Variants in ARID1B observed in about 807,000 individuals in gnomAD.
ARID1B encodes the protein AT-rich interactive domain-containing protein 1B.
In ARID1B, 30 loss-of-function variants were observed where a neutral mutation model predicts 212.3. The observed-to-expected ratio is 0.14, with a 90% CI of 0.11 to 0.19. The LOEUF is 0.19. Among genes scored for constraint, ARID1B ranks in the 10% least tolerant of loss-of-function variants. The pLI is 1.00. For synonymous variants in ARID1B, 1,402 were observed against 1,301.7 expected (o/e 1.08, Z -1.66); for missense variants, 2,891 against 3,204.0 (o/e 0.90, Z 2.36).
chr6:157,002,008 C>G (rs1778942937), intron 4 of ARID1B, among the ~76,000 whole-genome samples: 1 of 152,236 alleles, frequency 6.6e-6, no homozygotes, highest in African/African-American at 2.4e-5. Context: ...ACAGCTCCTG[C>G]TCTGCCTGTG....
chr6:156,992,692 C>T (rs901656766), intron 4 of ARID1B, among the ~76,000 whole-genome samples: 4 of 152,120 alleles, frequency 2.6e-5, no homozygotes, highest in Admixed American at 2.0e-4. Context: ...CCAGAGCAGC[C>T]GTGGCCTGTT....
rs1247468984 is a variant in ARID1B, at chr6:157,148,557, G to GT, written c.2762-66dup. The GT allele has an allele frequency of 6.6e-7, 1 of 1,514,402 alleles. No individual in the cohort carries two copies. Among genetic ancestry groups the GT allele is most frequent in the Non-Finnish European group, 9.0e-7 (1 of 1,116,886 alleles). 93.8% of individuals were successfully genotyped at this position (1,514,402 alleles called of 1,614,324 possible). A position where few individuals can be genotyped will look rare whatever the true frequency, so the allele number is the denominator to read the frequency against. On this transcript the variant is annotated intron_variant, in intron 7 of 19. Coordinates refer to ENST00000636930, the MANE Select transcript of ARID1B (RefSeq NM_001374828.1). This position sits in a 1 kb window ranked among gnomAD's most constrained non-coding sequence, Gnocchi z 5.6. ...TGCTGATCGCATTGTTGGACAAAAAGTATTTCCAGTGAATGTTGTCACAAG... is the reference window on the plus strand; with the variant it reads ...TGCTGATCGCATTGTTGGACAAAAAGTTATTTCCAGTGAATGTTGTCACAAG...
chr6:156,836,862 G>T (rs537619003), intron 2 of ARID1B, among the ~76,000 whole-genome samples: 71 of 152,146 alleles, frequency 4.7e-4, no homozygotes, highest in African/African-American at 1.7e-3. Context: ...ACAGGGTTTT[G>T]CCATGTAGCC....
chr6:156,943,012 A>G (rs1436072102), intron 4 of ARID1B: 8 of 152,212 alleles, frequency 5.3e-5, no homozygotes, highest in Non-Finnish European at 1.5e-5. Flanking sequence ...GACTGGAAGT[A>G]ACAATTTTTA....
At chr6:156,859,722 T>G (rs1469279170) in intron 2 of ARID1B, among the ~76,000 whole-genome samples, 1 of 152,248 alleles carries the variant, frequency 6.6e-6, no homozygotes, top group African/African-American at 2.4e-5. Context: ...ACATGGTTTT[T>G]TGCATGTGCA....
rs566462160 is a variant in ARID1B at position 157,179,075 on chromosome 6, C to T, written c.3505-1894C>T. The stretch of plus-strand genomic sequence containing the variant: ...AAAATGCAAGAGGGAAGTTGTTTTA[C>T]TGTTAACTGATTATAGATTATAATG... On this transcript the variant is annotated intron_variant, in intron 11 of 19. Coordinates refer to ENST00000636930, the MANE Select transcript of ARID1B (RefSeq NM_001374828.1). Among the ~76,000 whole-genome samples the T allele has an allele frequency of 2.6e-5, 4 of 152,312 alleles. No homozygotes were observed. In the Middle Eastern group the frequency reaches 0.01, roughly 389 times the overall value.
rs1583124235 is a variant in ARID1B, at chr6:156,832,219, G to GAATTTTTA, written c.1986+2798_1986+2799insAATTTTTA. 5.3e-5 allele frequency among the ~76,000 whole-genome samples: 8 copies of GAATTTTTA among 152,274 alleles called. No individual in the cohort carries two copies. In the East Asian group the frequency reaches 1.4e-3, roughly 26 times the overall value. On this transcript the variant is annotated intron_variant, in intron 2 of 19. Transcript: ENST00000636930. The stretch of plus-strand genomic sequence containing the variant: ...GTTAGCTTGAGTCTGTGTTCTTTGG[G>GAATTTTTA]GAGGAATTTTCAGTGAATTGCTTTG...
At chr6:157,105,331 A>G (rs1259765977) in intron 5 of ARID1B, among the ~76,000 whole-genome samples, 2 of 152,228 alleles carry the variant, frequency 1.3e-5, no homozygotes, top group Non-Finnish European at 2.9e-5. Context: ...ACAACATTAA[A>G]AAAAATTTCC....
intron 1 of ARID1B, among the ~76,000 whole-genome samples, chr6:156,796,707 A>G (rs1291758298): frequency 6.6e-6 from 1 of 152,220 alleles, no homozygotes; most frequent in African/African-American, 2.4e-5. Flanking sequence ...GGCATAGAGA[A>G]TAGTTATCCT....
chr6:156,812,991 C>CGTATGTATATACATATATATACACATAT (rs1781682513), intron 1 of ARID1B, among the ~76,000 whole-genome samples: 1 of 111,412 alleles, frequency 9.0e-6, no homozygotes, highest in African/African-American at 3.4e-5. Flanking sequence ...TATATACATA[C>CGTATGTATATACATATATATACACATAT]GTATGTATAT....
intron 4 of ARID1B, among the ~76,000 whole-genome samples, chr6:157,043,794 G>A (rs917741119): frequency 3.3e-5 from 5 of 152,112 alleles, no homozygotes; most frequent in Admixed American, 6.5e-5. Flanking sequence ...TATATTCATT[G>A]TTAATGTTTG....
chr6:157,203,672 C>G lies in ARID1B; in HGVS notation c.5264-194C>G, dbSNP rs558403317. ...ACCAACAAAGCGAGATCTGAAACCA[C>G]AAAAGTTTCTCGTTACAGCTATGGC... On this transcript the variant is annotated intron_variant, in intron 18 of 19. Coordinates refer to ENST00000636930, the MANE Select transcript of ARID1B (RefSeq NM_001374828.1). The surrounding 1 kb of genome is among the most constrained non-coding windows in gnomAD (Gnocchi z 4.4). 1 of 727,328 alleles carries G rather than the reference C, an allele frequency of 1.4e-6. No homozygotes were observed. The highest frequency in any genetic ancestry group is 1.8e-5 in the African/African-American group (1 of 56,856). 45.1% of individuals were successfully genotyped at this position (727,328 alleles called of 1,614,324 possible). A position where few individuals can be genotyped will look rare whatever the true frequency, so the allele number is the denominator to read the frequency against.
At chr6:156,990,567 G>A (rs939504020) in intron 4 of ARID1B, among the ~76,000 whole-genome samples, 1 of 152,058 alleles carries the variant, frequency 6.6e-6, no homozygotes, top group Non-Finnish European at 1.5e-5. Flanking sequence ...CTTGACCGAG[G>A]GAGTTGGTGG....
At chr6:156,940,011 C>G (rs1192055847) in intron 4 of ARID1B, 1 of 151,988 alleles carries the variant, frequency 6.6e-6, no homozygotes, top group Non-Finnish European at 1.5e-5. Flanking sequence ...AGTGCTTTTC[C>G]CTCCAGGGAT....
chr6:156,822,227 A>C (rs1004576426), intron 1 of ARID1B, among the ~76,000 whole-genome samples: 1 of 152,250 alleles, frequency 6.6e-6, no homozygotes, highest in African/African-American at 2.4e-5. Flanking sequence ...GTATTGACAA[A>C]AGAAGAACTT....
intron 5 of ARID1B, among the ~76,000 whole-genome samples, chr6:157,109,231 T>C (rs564899643): frequency 6.6e-6 from 1 of 152,290 alleles, no homozygotes; most frequent in South Asian, 2.1e-4. Flanking sequence ...TTGTGCTGAA[T>C]GTGCCCTGAC....
In ARID1B at chr6:156,966,920, G is replaced by A. The variant is rs933202446; in HGVS notation, c.2247+31344G>A. ...TCTCCGTGTTGGTCAGGCTGGTCTC[G>A]AACTCCTGACCTCAGGTGATCCACC... On this transcript the variant is annotated intron_variant, in intron 4 of 19. Transcript: ENST00000636930. 5.9e-5 allele frequency among the ~76,000 whole-genome samples: 9 copies of A among 151,666 alleles called. 1 individual carries two copies. In the South Asian group the frequency reaches 6.3e-4, roughly 11 times the overall value.
chr6:156,899,494 G>A (rs1450081221), intron 2 of ARID1B, among the ~76,000 whole-genome samples: 2 of 152,140 alleles, frequency 1.3e-5, no homozygotes, highest in African/African-American at 2.4e-5. Context: ...TAAAAGGATA[G>A]CAAATTGGTT....
intron 1 of ARID1B, among the ~76,000 whole-genome samples, chr6:156,800,997 A>G (rs945891813): frequency 1.3e-5 from 2 of 152,210 alleles, no homozygotes; most frequent in East Asian, 3.8e-4. Flanking sequence ...GCTGTCTGTC[A>G]TAAGTTGCAA....
Sources: gnomAD v4.1 joint callset for allele counts (sites outside exome capture counted in the v4.1 genomes callset) on GRCh38, gnomAD v4.1.1 for gene constraint, Gnocchi (gnomAD v3.1) non-coding constraint, MANE v1.5 for transcripts, NCBI Gene and HGNC (gene_info 2026-07-23, HGNC 2026-07-21) for gene names.